The following CFAP299 variants were observed in gnomAD, a reference collection of about 807,000 sequenced individuals.
CFAP299 encodes the protein cilia- and flagella-associated protein 299.
A neutral mutation model predicts 27.0 loss-of-function variants in CFAP299; 21 were observed. The observed-to-expected ratio is 0.78, with a 90% confidence interval of 0.55 to 1.12. The LOEUF (loss-of-function observed/expected upper bound fraction) is 1.12, where lower values mean the gene tolerates loss of function less well. CFAP299 is among the 50% of genes most tolerant of loss of function. The pLI is 0.00. For missense variants in CFAP299, 310 were observed against 276.6 expected, an observed-to-expected ratio of 1.12 and a Z score of -0.86; for synonymous variants, 104 against 98.1, an observed-to-expected ratio of 1.06 and a Z score of -0.36.
At chr4:80,495,156 C>T (rs1295043230) in intron 2 of CFAP299, among the ~76,000 whole-genome samples, 1 of 152,048 alleles carries the variant, frequency 6.6e-6, no homozygotes, top group East Asian at 1.9e-4. Context: ...GGTGTTTCTC[C>T]ACAATGCTAA....
chr4:80,952,296 T>TA (rs1022605000), intron 5 of CFAP299, among the ~76,000 whole-genome samples: 6 of 152,072 alleles, frequency 3.9e-5, no homozygotes, highest in East Asian at 1.9e-4. Flanking sequence ...AAATAATTCT[T>TA]AAAAAAAATT....
At chr4:80,606,333 G>A (rs535763099) in intron 3 of CFAP299, among the ~76,000 whole-genome samples, 20 of 152,176 alleles carry the variant, frequency 1.3e-4, no homozygotes, top group East Asian at 1.9e-4. Context: ...TCAGGAGTTC[G>A]AAACCAGCCT....
intron 4 of CFAP299, among the ~76,000 whole-genome samples, chr4:80,922,167 C>G (rs993494572): frequency 3.3e-5 from 5 of 151,830 alleles, no homozygotes; most frequent in African/African-American, 1.2e-4. Flanking sequence ...TGAAGTTATC[C>G]AAGGAGGTTG....
intron 4 of CFAP299, among the ~76,000 whole-genome samples, chr4:80,893,761 G>A (rs1189649827): frequency 4.0e-5 from 6 of 151,490 alleles, no homozygotes; most frequent in Non-Finnish European, 8.8e-5. Flanking sequence ...ATGTAGAACC[G>A]CTAGGAGATG....
chr4:80,836,474 T>C (rs1730565919), intron 3 of CFAP299, among the ~76,000 whole-genome samples: 1 of 152,178 alleles, frequency 6.6e-6, no homozygotes, highest in East Asian at 1.9e-4. Context: ...GCCCACATTC[T>C]TTGGTTCATG....
At chr4:80,738,607 A>G (rs915786972) in intron 3 of CFAP299, among the ~76,000 whole-genome samples, 1 of 148,242 alleles carries the variant, frequency 6.7e-6, no homozygotes, top group African/African-American at 2.5e-5. Flanking sequence ...CCTTGTTTTC[A>G]TTCTGTGAAC....
At chr4:80,742,600 G>A (rs531054001) in intron 3 of CFAP299, among the ~76,000 whole-genome samples, 1 of 152,268 alleles carries the variant, frequency 6.6e-6, no homozygotes, top group African/African-American at 2.4e-5. Context: ...TAAGTGCTAT[G>A]AAGAAAGCTG....
intron 2 of CFAP299, among the ~76,000 whole-genome samples, chr4:80,572,349 A>G (rs914007209): frequency 4.0e-5 from 6 of 151,660 alleles, no homozygotes; most frequent in African/African-American, 1.5e-4. Flanking sequence ...TCTGGTAACC[A>G]TCATTCTACT....
At chr4:80,610,389 A>T (rs1172714231) in intron 3 of CFAP299, among the ~76,000 whole-genome samples, 1 of 152,060 alleles carries the variant, frequency 6.6e-6, no homozygotes, top group Non-Finnish European at 1.5e-5. Flanking sequence ...CAAGAGCAAA[A>T]TCTAACAAAA....
chr4:80,849,075 T>A (rs2110146177), intron 3 of CFAP299, among the ~76,000 whole-genome samples: 1 of 152,354 alleles, frequency 6.6e-6, no homozygotes, highest in South Asian at 2.1e-4. Flanking sequence ...TAAAATTTTT[T>A]GACTCTCTTG....
chr4:80,757,758 A>T (rs148307874), intron 3 of CFAP299, among the ~76,000 whole-genome samples: 27 of 151,434 alleles, frequency 1.8e-4, no homozygotes, highest in Non-Finnish European at 2.2e-4. Context: ...ACGCAGTCTC[A>T]TTTGAACTAA....
intron 3 of CFAP299, among the ~76,000 whole-genome samples, chr4:80,614,484 G>A (rs1362518580): frequency 6.6e-6 from 1 of 152,178 alleles, no homozygotes; most frequent in African/African-American, 2.4e-5. Context: ...AGAGAAGATG[G>A]CTCGGATTTG....
chr4:80,651,049 A>G (rs982348220), intron 3 of CFAP299, among the ~76,000 whole-genome samples: 2 of 152,106 alleles, frequency 1.3e-5, no homozygotes, highest in African/African-American at 4.8e-5. Context: ...AAGATTTAAC[A>G]TTGTTTACAA....
At chr4:80,689,603 G>C (rs1720504954) in intron 3 of CFAP299, among the ~76,000 whole-genome samples, 1 of 152,124 alleles carries the variant, frequency 6.6e-6, no homozygotes, top group South Asian at 2.1e-4. Flanking sequence ...AAATTGTAAA[G>C]ATCATTGAGA....
chr4:80,794,442 G>A (rs968735428), intron 3 of CFAP299, among the ~76,000 whole-genome samples: 3 of 152,168 alleles, frequency 2.0e-5, no homozygotes, highest in Non-Finnish European at 2.9e-5. Context: ...ACAGTATCAT[G>A]TATTGGACTC....
intron 2 of CFAP299, among the ~76,000 whole-genome samples, chr4:80,419,468 T>C (rs1727181402): frequency 6.6e-6 from 1 of 152,208 alleles, no homozygotes; most frequent in Admixed American, 6.5e-5. Flanking sequence ...AGTGAAACTC[T>C]GCCATTTTGC....
intron 3 of CFAP299, among the ~76,000 whole-genome samples, chr4:80,662,379 C>A (rs1321108463): frequency 1.4e-5 from 2 of 146,936 alleles, no homozygotes; most frequent in African/African-American, 2.5e-5. Context: ...TGGAAAAGAA[C>A]CTATGTGAAA....
At chr4:80,436,645 C>T (rs979458528) in intron 2 of CFAP299, among the ~76,000 whole-genome samples, 1 of 152,082 alleles carries the variant, frequency 6.6e-6, no homozygotes, top group Admixed American at 6.6e-5. Context: ...TTTCTGCCTC[C>T]CTTTCTCCAT....
rs1371248798 is a variant in CFAP299 at position 80,963,650 on chromosome 4, T to C, written c.*38T>C. 3 of 1,390,112 alleles carry C rather than the reference T, an allele frequency of 2.2e-6. No homozygotes were observed. The highest frequency in any genetic ancestry group is 1.4e-5 in the African/African-American group (1 of 69,808). The allele number at this position is 1,390,112 out of a possible 1,614,324, so 86.1% of individuals were successfully genotyped here. ...TAATTTCCTAATAATTTGCTAAATTTAAATAAATTCCGTAGACAGAGCAAA... is the reference window on the plus strand; with the variant it reads ...TAATTTCCTAATAATTTGCTAAATTCAAATAAATTCCGTAGACAGAGCAAA... On this transcript the variant is annotated 3_prime_UTR_variant, in exon 6 of 6. Coordinates refer to ENST00000358105, the MANE Select transcript of CFAP299 (RefSeq NM_152770.3).
Sources: gnomAD v4.1 joint callset for allele counts (sites outside exome capture counted in the v4.1 genomes callset) on GRCh38, gnomAD v4.1.1 for gene constraint, MANE v1.5 for transcripts, NCBI Gene and HGNC (gene_info 2026-07-23, HGNC 2026-07-21) for gene names.